ROBO2: variants seen among roughly 807,000 people sequenced by gnomAD.
ROBO2 encodes the protein roundabout homolog 2.
In ROBO2, 53 loss-of-function variants were observed where a neutral mutation model predicts 160.8. The observed-to-expected ratio is 0.33, with a 90% CI of 0.26 to 0.41. The LOEUF is 0.41. ROBO2 is among the 10% of genes least tolerant of loss of function. ROBO2 has a pLI of 1.00. For missense variants in ROBO2, 1,577 were observed against 1,722.4 expected, an observed-to-expected ratio of 0.92 and a Z score of 1.49; for synonymous variants, 664 against 611.7, an observed-to-expected ratio of 1.09 and a Z score of -1.26.
chr3:76,294,707 T>A (rs1559728327), intron 2 of ROBO2, among the ~76,000 whole-genome samples: 1 of 152,198 alleles, frequency 6.6e-6, no homozygotes, highest in African/African-American at 2.4e-5. Context: ...AGTGGAATAT[T>A]TGTCTATAAA....
At chr3:77,078,662 A>G (rs116339538) in intron 1 of ROBO2, among the ~76,000 whole-genome samples, 1,727 of 152,318 alleles carry the variant, frequency 0.011, 33 homozygotes, top group African/African-American at 0.038. Flanking sequence ...TCAGAGAGAC[A>G]AAGTGTTCTA....
At position 76,132,401 on chromosome 3, in the gene ROBO2, G is replaced by A. The variant is rs112527644; in HGVS notation, c.109+194799G>A. On this transcript the variant is annotated intron_variant, in intron 2 of 26. Coordinates refer to the ROBO2 transcript ENST00000487694. ...GCCCAAATTCCAGACTGTTGGGGGG[G>A]GGGGGGGACGCAGATGTTCAGCATA... Among the ~76,000 whole-genome samples, 9 of 113,350 alleles carry A rather than the reference G, an allele frequency of 7.9e-5. 1 individual carries two copies. Among genetic ancestry groups the A allele is most frequent in the African/African-American group, 2.2e-4 (8 of 36,940 alleles). The allele number at this position is 113,350 out of a possible 152,430, so 74.4% of individuals were successfully genotyped here.
intron 16 of ROBO2, among the ~76,000 whole-genome samples, chr3:77,583,798 G>C (rs1304735369): frequency 6.6e-6 from 1 of 152,068 alleles, no homozygotes; most frequent in African/African-American, 2.4e-5. Context: ...AAGCATGTTT[G>C]TGTCCTAGCA....
intron 2 of ROBO2, among the ~76,000 whole-genome samples, chr3:76,555,252 C>T (rs1704026836): frequency 6.6e-6 from 1 of 151,306 alleles, no homozygotes; most frequent in African/African-American, 2.4e-5. Context: ...ATAACATGTG[C>T]AGGGATCATA....
intron 1 of ROBO2, among the ~76,000 whole-genome samples, chr3:77,079,697 A>T (rs2068428398): frequency 1.3e-5 from 2 of 152,142 alleles, no homozygotes; most frequent in African/African-American, 4.8e-5. Flanking sequence ...AATGATGTTC[A>T]TTCCACAGGT....
chr3:75,920,981 T>A (rs1295949829), intron 1 of ROBO2, among the ~76,000 whole-genome samples: 5 of 152,160 alleles, frequency 3.3e-5, no homozygotes, highest in Admixed American at 6.5e-5. Flanking sequence ...TGACTCTTTA[T>A]CCAATTTTCC....
intron 2 of ROBO2, among the ~76,000 whole-genome samples, chr3:76,853,345 C>A (rs2069624709): frequency 6.6e-6 from 1 of 152,056 alleles, no homozygotes; most frequent in Non-Finnish European, 1.5e-5. Flanking sequence ...TCACAAATTT[C>A]AATCTAACAC....
chr3:76,710,622 C>T (rs562107371), intron 2 of ROBO2, among the ~76,000 whole-genome samples: 17 of 152,212 alleles, frequency 1.1e-4, no homozygotes, highest in South Asian at 2.1e-4. Context: ...AGAAGTAACT[C>T]GTCAAGGTAG....
intron 2 of ROBO2, among the ~76,000 whole-genome samples, chr3:76,330,717 G>A (rs182842215): frequency 7.7e-4 from 117 of 152,216 alleles, no homozygotes; most frequent in African/African-American, 2.4e-3. Context: ...AGGTCTCATC[G>A]ATTTGTTGTG....
chr3:76,475,643 T>C (rs1263353958), intron 2 of ROBO2, among the ~76,000 whole-genome samples: 2 of 152,160 alleles, frequency 1.3e-5, no homozygotes, highest in East Asian at 1.9e-4. Flanking sequence ...CTAGTATTCG[T>C]AAAATACCTC....
At chr3:77,517,393 A>G (rs775856931) in intron 5 of ROBO2, among the ~76,000 whole-genome samples, 1 of 151,546 alleles carries the variant, frequency 6.6e-6, no homozygotes, top group Non-Finnish European at 1.5e-5. Context: ...AAAATAGTGA[A>G]CATGAAGTTT....
intron 2 of ROBO2, among the ~76,000 whole-genome samples, chr3:77,191,337 G>T (rs961632641): frequency 6.6e-6 from 1 of 152,040 alleles, no homozygotes; most frequent in Admixed American, 6.6e-5. Flanking sequence ...GTCCAGTAGA[G>T]AGCCATAAAT....
intron 2 of ROBO2, among the ~76,000 whole-genome samples, chr3:76,372,289 A>T (rs2076143099): frequency 1.3e-5 from 2 of 151,900 alleles, no homozygotes; most frequent in South Asian, 4.1e-4. Flanking sequence ...TAAAAATTTT[A>T]AAACTTCCTG....
At chr3:77,049,368 C>T (rs1424512561) in intron 1 of ROBO2, among the ~76,000 whole-genome samples, 2 of 152,070 alleles carry the variant, frequency 1.3e-5, no homozygotes, top group African/African-American at 4.8e-5. Context: ...AAGAATTATC[C>T]AAAACCATAA....
intron 1 of ROBO2, among the ~76,000 whole-genome samples, chr3:77,055,750 T>A (rs779116282): frequency 5.5e-4 from 83 of 152,112 alleles, no homozygotes; most frequent in Non-Finnish European, 8.5e-4. Context: ...ATTACACCCA[T>A]TCCTGATTGG....
At chr3:77,466,432 C>T (rs576211619) in intron 2 of ROBO2, among the ~76,000 whole-genome samples, 6 of 152,054 alleles carry the variant, frequency 3.9e-5, no homozygotes, top group South Asian at 2.1e-4. Context: ...GAACATAAAC[C>T]GTGTACTCTC....
At chr3:77,044,302 G>A (rs1020479765) in intron 1 of ROBO2, among the ~76,000 whole-genome samples, 8 of 152,140 alleles carry the variant, frequency 5.3e-5, no homozygotes, top group African/African-American at 1.9e-4. Context: ...TACATACATA[G>A]CAATGAAGGG....
rs540259203 is a variant in ROBO2, at chr3:76,135,188, T to A, written c.109+197586T>A. ...TCTCATTGGCCAGAACGCAGTCACA[T>A]CATGGGTCACACAAGAGGGGCAGGG... On this transcript the variant is annotated intron_variant, in intron 2 of 26. Transcript: ENST00000487694. Among the ~76,000 whole-genome samples the A allele has an allele frequency of 1.2e-3, 179 of 152,166 alleles. 1 individual carries two copies. Among genetic ancestry groups the A allele is most frequent in the African/African-American group, 4.1e-3 (172 of 41,554 alleles).
At chr3:77,328,984 T>C (rs865994684) in intron 2 of ROBO2, among the ~76,000 whole-genome samples, 1 of 152,220 alleles carries the variant, frequency 6.6e-6, no homozygotes, top group Admixed American at 6.5e-5. Flanking sequence ...TTTTAATTTT[T>C]TCTTTTCCTT....
Sources: allele counts gnomAD v4.1 joint callset (sites outside exome capture counted in the v4.1 genomes callset), GRCh38; gene constraint gnomAD v4.1.1; transcripts MANE v1.5; gene names NCBI Gene and HGNC (gene_info 2026-07-23, HGNC 2026-07-21).